The following DLC1 variants were observed in gnomAD, a reference collection of about 807,000 sequenced individuals.
DLC1 encodes DLC1 Rho GTPase activating protein, also known as rho GTPase-activating protein 7.
DLC1 carries 54 observed loss-of-function variants against 140.3 expected under a neutral mutation model. That is an observed-to-expected ratio of 0.38 (90% CI 0.31 to 0.48). The LOEUF (loss-of-function observed/expected upper bound fraction) is 0.48. Among genes scored for constraint, DLC1 ranks in the 20% least tolerant of loss-of-function variants. The probability of loss-of-function intolerance (pLI) is 0.96; values close to 1 mark genes in which losing one functional copy is unlikely to be tolerated. For missense variants in DLC1, 2,536 were observed against 1,907.0 expected (o/e 1.33, Z -6.14); for synonymous variants, 986 against 728.1 (o/e 1.35, Z -5.70).
At chr8:13,418,559 G>T (rs372057562) in intron 2 of DLC1, among the ~76,000 whole-genome samples, 39 of 152,202 alleles carry the variant, frequency 2.6e-4, no homozygotes, top group East Asian at 2.3e-3. Flanking sequence ...GCTCTGTTGT[G>T]TTCCATTGAT....
At chr8:13,552,730 T>C (rs1296800677) in intron 1 of DLC1, among the ~76,000 whole-genome samples, 1 of 151,856 alleles carries the variant, frequency 6.6e-6, no homozygotes, top group Non-Finnish European at 1.5e-5. Flanking sequence ...TTTGTCATAT[T>C]TTTTAAATGC....
At chr8:13,276,338 A>G (rs2117404893) in intron 5 of DLC1, 3 of 1,529,016 alleles carry the variant, frequency 2.0e-6, no homozygotes. Context: ...TGTGATCGCT[A>G]AAGGACCTCC....
intron 1 of DLC1, among the ~76,000 whole-genome samples, chr8:13,511,167 A>G (rs1375324331): frequency 6.6e-6 from 1 of 152,022 alleles, no homozygotes; most frequent in African/African-American, 2.4e-5. Flanking sequence ...AACAGGGCTG[A>G]TTTTCTCTTT....
At chr8:13,116,228 G>C in intron 5 of DLC1, 1 of 985,464 alleles carries the variant, frequency 1.0e-6, no homozygotes, top group Non-Finnish European at 1.2e-6. Flanking sequence ...AAGGAACATG[G>C]AGGGCACGAA....
intron 2 of DLC1, among the ~76,000 whole-genome samples, chr8:13,465,826 C>A (rs951168777): frequency 1.3e-5 from 2 of 152,102 alleles, no homozygotes; most frequent in African/African-American, 4.8e-5. Flanking sequence ...CCCTCCAATG[C>A]CTCTCATTGG....
At chr8:13,454,399 A>G (rs954632626) in intron 2 of DLC1, among the ~76,000 whole-genome samples, 31 of 152,354 alleles carry the variant, frequency 2.0e-4, no homozygotes, top group African/African-American at 6.5e-4. Flanking sequence ...TTCACAAAGT[A>G]CATTATTTTC....
chr8:13,200,841 T>A (rs1827341042), intron 5 of DLC1, among the ~76,000 whole-genome samples: 2 of 152,092 alleles, frequency 1.3e-5, no homozygotes, highest in African/African-American at 4.8e-5. Flanking sequence ...CAAGTGATCC[T>A]CCAGACTTGG....
intron 5 of DLC1, among the ~76,000 whole-genome samples, chr8:13,216,845 C>T (rs1377692455): frequency 6.6e-6 from 1 of 152,076 alleles, no homozygotes; most frequent in Non-Finnish European, 1.5e-5. Flanking sequence ...CCAAATGTTC[C>T]ATGGGAAACC....
At chr8:13,087,769 T>C (rs1391672020) in intron 16 of DLC1, among the ~76,000 whole-genome samples, 1 of 152,244 alleles carries the variant, frequency 6.6e-6, no homozygotes, top group Non-Finnish European at 1.5e-5. Flanking sequence ...ACAAAGATTT[T>C]TGGAATTCTT....
chr8:13,541,791 C>T (rs771174336), intron 1 of DLC1, among the ~76,000 whole-genome samples: 6 of 152,158 alleles, frequency 3.9e-5, no homozygotes, highest in Non-Finnish European at 7.3e-5. Context: ...CCACGTGATC[C>T]GCCTGCCTCG....
Position 13,141,021 on chromosome 8 carries a change from G to A in DLC1, c.1349-25364C>T, listed in dbSNP as rs1250832124. On this transcript the variant is annotated intron_variant, in intron 5 of 17. Coordinates refer to ENST00000276297, the MANE Select transcript of DLC1 (RefSeq NM_182643.3). ...TGTAATCCCAGCACTTTGGGAGGCC[G>A]AGGCGTGTGGATCACGTGGGGTCGG... 5.9e-5 allele frequency among the ~76,000 whole-genome samples: 9 copies of A among 152,222 alleles called. No homozygotes were observed. The East Asian group carries it at 7.7e-4, about 13-fold the overall frequency.
intron 2 of DLC1, among the ~76,000 whole-genome samples, chr8:13,451,056 A>G (rs1563357484): frequency 2.0e-5 from 3 of 148,222 alleles, no homozygotes; most frequent in Non-Finnish European, 3.0e-5. Context: ...AAAAAAAAAA[A>G]AAAAAAAAAA....
chr8:13,089,901 G>A (rs534688688), intron 15 of DLC1, among the ~76,000 whole-genome samples: 1 of 152,288 alleles, frequency 6.6e-6, no homozygotes, highest in African/African-American at 2.4e-5. Flanking sequence ...AGAGTGCAAA[G>A]GGATTCTGAC....
intron 4 of DLC1, among the ~76,000 whole-genome samples, chr8:13,325,383 A>G (rs574809716): frequency 3.9e-4 from 59 of 152,252 alleles, no homozygotes; most frequent in African/African-American, 1.2e-3. Flanking sequence ...CCATATTCCT[A>G]CTAAATTGCA....
intron 2 of DLC1, among the ~76,000 whole-genome samples, chr8:13,490,611 T>A (rs745859834): frequency 6.6e-6 from 1 of 152,172 alleles, no homozygotes; most frequent in Non-Finnish European, 1.5e-5. Context: ...CCAAAACCTA[T>A]GGTTGTTTGT....
At chr8:13,427,625 T>G (rs2117376886) in intron 2 of DLC1, among the ~76,000 whole-genome samples, 1 of 152,242 alleles carries the variant, frequency 6.6e-6, no homozygotes, top group African/African-American at 2.4e-5. Context: ...TTGGTCCCCC[T>G]CTCTCTGTGA....
At chr8:13,194,660 T>C (rs957189306) in intron 5 of DLC1, among the ~76,000 whole-genome samples, 2 of 152,188 alleles carry the variant, frequency 1.3e-5, no homozygotes, top group African/African-American at 4.8e-5. Context: ...TTTTAACCTT[T>C]TCATAGTCAA....
intron 5 of DLC1, among the ~76,000 whole-genome samples, chr8:13,168,743 A>G (rs76414591): frequency 0.036 from 5,417 of 152,318 alleles, 171 homozygotes; most frequent in African/African-American, 0.089. Flanking sequence ...AGTGAAGTCC[A>G]CATCAAACCG....
chr8:13,461,801 C>T (rs556978143), intron 2 of DLC1, among the ~76,000 whole-genome samples: 40 of 152,256 alleles, frequency 2.6e-4, no homozygotes, highest in Middle Eastern at 3.4e-3. Context: ...TCTCTCCTCT[C>T]TGATGCCGAT....
Sources: allele counts gnomAD v4.1 joint callset (sites outside exome capture counted in the v4.1 genomes callset), GRCh38; gene constraint gnomAD v4.1.1; transcripts MANE v1.5; gene names NCBI Gene and HGNC (gene_info 2026-07-23, HGNC 2026-07-21).